GRM7: variants seen among roughly 807,000 people sequenced by gnomAD.
The protein encoded by GRM7 is glutamate metabotropic receptor 7, also known as metabotropic glutamate receptor 7.
Under a neutral mutation model 84.5 loss-of-function variants are expected in GRM7, and 35 were observed. The observed-to-expected ratio is 0.41, with a 90% CI of 0.32 to 0.55. The LOEUF is 0.55. Among genes scored for constraint, GRM7 ranks in the 20% least tolerant of loss-of-function variants. The pLI is 0.19. For synonymous variants in GRM7, 487 were observed against 455.1 expected, an observed-to-expected ratio of 1.07 and a Z score of -0.89; for missense variants, 1,003 against 1,194.6, an observed-to-expected ratio of 0.84 and a Z score of 2.36.
chr3:7,117,840 G>A (rs1693089271), intron 1 of GRM7, among the ~76,000 whole-genome samples: 1 of 152,078 alleles, frequency 6.6e-6, no homozygotes, highest in Non-Finnish European at 1.5e-5. Context: ...AAAATTCCAG[G>A]CTCATAGAAG....
intron 1 of GRM7, among the ~76,000 whole-genome samples, chr3:6,890,564 A>C (rs1695892678): frequency 6.6e-6 from 1 of 151,986 alleles, no homozygotes; most frequent in African/African-American, 2.4e-5. Context: ...CTTAATCCTG[A>C]GTTCTAGTTT....
chr3:6,940,037 A>G (rs891508527), intron 1 of GRM7, among the ~76,000 whole-genome samples: 94 of 152,304 alleles, frequency 6.2e-4, no homozygotes, highest in South Asian at 1.0e-3. Flanking sequence ...GTATTTGGAA[A>G]TATATGAAAT....
intron 7 of GRM7, among the ~76,000 whole-genome samples, chr3:7,488,602 T>C (rs1311403789): frequency 6.6e-6 from 1 of 152,216 alleles, no homozygotes; most frequent in Non-Finnish European, 1.5e-5. Context: ...TCCATGACAT[T>C]GTAATGCAGC....
chr3:7,563,368 G>A (rs756343953), intron 7 of GRM7, among the ~76,000 whole-genome samples: 7 of 152,090 alleles, frequency 4.6e-5, no homozygotes, highest in Admixed American at 2.6e-4. Context: ...TCTTTCTTAG[G>A]ATAGAATCTG....
At position 7,341,808 on chromosome 3, in the gene GRM7, G is replaced by T. The variant is rs1431352323; in HGVS notation, c.1033+35156G>T. Among the ~76,000 whole-genome samples, 5 of 152,174 alleles carry T rather than the reference G, an allele frequency of 3.3e-5. No homozygotes were observed. The East Asian group carries it at 7.7e-4, about 24-fold the overall frequency. ...ACATTAAAGAACCTAAAACTTAGAA[G>T]AAGTTTAATAACTTGCTCAAGTTTC... On this transcript the variant is annotated intron_variant, in intron 4 of 9. Transcript: ENST00000357716.
At chr3:7,345,698 C>G (rs755604339) in intron 4 of GRM7, among the ~76,000 whole-genome samples, 7 of 152,012 alleles carry the variant, frequency 4.6e-5, no homozygotes, top group Non-Finnish European at 8.8e-5. Flanking sequence ...TTATAATGTG[C>G]TTGGCCAGTC....
intron 2 of GRM7, among the ~76,000 whole-genome samples, chr3:7,274,005 T>G (rs1043477227): frequency 3.9e-5 from 6 of 152,016 alleles, no homozygotes; most frequent in Non-Finnish European, 8.8e-5. Flanking sequence ...TCAATTTTCT[T>G]TATTAGTATA....
At chr3:7,699,116 T>C (rs1201574523) in intron 9 of GRM7, among the ~76,000 whole-genome samples, 1 of 152,168 alleles carries the variant, frequency 6.6e-6, no homozygotes, top group Admixed American at 6.5e-5. Context: ...CTCAGAACAG[T>C]GCAAAAGTTG....
At chr3:7,108,874 C>A (rs1323975747) in intron 1 of GRM7, among the ~76,000 whole-genome samples, 1 of 152,054 alleles carries the variant, frequency 6.6e-6, no homozygotes, top group African/African-American at 2.4e-5. Flanking sequence ...CAATTTTCTC[C>A]TGTGTGATAA....
At chr3:7,222,722 A>G (rs1347075052) in intron 2 of GRM7, among the ~76,000 whole-genome samples, 1 of 152,220 alleles carries the variant, frequency 6.6e-6, no homozygotes, top group Admixed American at 6.5e-5. Context: ...AAATTAATTT[A>G]AAAGGCAATG....
chr3:7,723,829 A>T lies in GRM7; in HGVS notation c.2699-16528A>T, dbSNP rs114343613. Among the ~76,000 whole-genome samples the T allele has an allele frequency of 7.2e-3, 1,102 of 152,266 alleles. 13 individuals are homozygous for T. Among genetic ancestry groups the T allele is most frequent in the African/African-American group, 0.026 (1,063 of 41,548 alleles). On this transcript the variant is annotated intron_variant, in intron 9 of 9. Transcript: ENST00000357716. ...GCCACTGCACTCCAGCCTGGGCAAC[A>T]GAGTGAGAGCACCCCACCCCAAAAA...
chr3:7,406,226 C>T (rs921484732), intron 4 of GRM7, among the ~76,000 whole-genome samples: 4 of 152,092 alleles, frequency 2.6e-5, no homozygotes, highest in East Asian at 1.9e-4. Context: ...ATCGGCCGGG[C>T]GTGGTGGCTC....
chr3:7,594,693 G>C (rs1427995029), intron 8 of GRM7, among the ~76,000 whole-genome samples: 2 of 152,132 alleles, frequency 1.3e-5, no homozygotes, highest in Non-Finnish European at 2.9e-5. Context: ...AGGTAACAGA[G>C]GTGAGCTGCA....
intron 7 of GRM7, among the ~76,000 whole-genome samples, chr3:7,573,025 A>G (rs1694782503): frequency 6.6e-6 from 1 of 150,936 alleles, no homozygotes; most frequent in East Asian, 1.9e-4. Context: ...CTGTCTAGTC[A>G]TGCTACTTAA....
At chr3:7,422,569 G>C (rs1696440975) in intron 5 of GRM7, among the ~76,000 whole-genome samples, 1 of 152,012 alleles carries the variant, frequency 6.6e-6, no homozygotes, top group African/African-American at 2.4e-5. Flanking sequence ...TGAATGTCTT[G>C]ATTACAGGCT....
In GRM7 at chr3:7,494,117, C is replaced by T. The variant is rs186252150; in HGVS notation, c.1515+32395C>T. On this transcript the variant is annotated intron_variant, in intron 7 of 9. Transcript: ENST00000357716. Reference sequence around the variant, plus strand: ...CTTATTTCCTGATGCTCCAAGATTCCTTCTTTTGTTATTTCCTTTCTGTTT... The same window carrying T: ...CTTATTTCCTGATGCTCCAAGATTCTTTCTTTTGTTATTTCCTTTCTGTTT... Among the ~76,000 whole-genome samples, 215 of 152,174 alleles carry T rather than the reference C, an allele frequency of 1.4e-3. 1 individual carries two copies. Among genetic ancestry groups the T allele is most frequent in the Admixed American group, 4.2e-3 (64 of 15,280 alleles).
chr3:7,308,235 AT>A (rs1174536358), intron 4 of GRM7, among the ~76,000 whole-genome samples: 12 of 138,564 alleles, frequency 8.7e-5, no homozygotes, highest in Admixed American at 8.5e-4. Context: ...TGTTTGGTTG[AT>A]TGACTTCTAT....
chr3:7,202,972 G>A (rs928733087), intron 2 of GRM7, among the ~76,000 whole-genome samples: 44 of 152,312 alleles, frequency 2.9e-4, no homozygotes, highest in African/African-American at 1.0e-3. Flanking sequence ...GTGTACATAT[G>A]AGTGTGTGTT....
At chr3:7,330,986 C>G (rs949689839) in intron 4 of GRM7, among the ~76,000 whole-genome samples, 2 of 152,154 alleles carry the variant, frequency 1.3e-5, no homozygotes, top group Admixed American at 1.3e-4. Flanking sequence ...ATCATCTCAC[C>G]CTGAGCCCCT....
Sources: gnomAD v4.1 joint callset for allele counts (sites outside exome capture counted in the v4.1 genomes callset) on GRCh38, gnomAD v4.1.1 for gene constraint, MANE v1.5 for transcripts, NCBI Gene and HGNC (gene_info 2026-07-23, HGNC 2026-07-21) for gene names.